The following DENND4C variants were observed in gnomAD, a reference collection of about 807,000 sequenced individuals.
The protein encoded by DENND4C is DENN domain containing 4C.
Under a neutral mutation model 203.0 loss-of-function variants are expected in DENND4C, and 108 were observed. The observed-to-expected ratio is 0.53, with a 90% CI of 0.46 to 0.62. The LOEUF is 0.62. Ranked by LOEUF, DENND4C falls within the 20% of genes least tolerant of loss-of-function variation. The pLI is 0.00. For synonymous variants in DENND4C, 871 were observed against 792.4 expected, an observed-to-expected ratio of 1.10 and a Z score of -1.67; for missense variants, 2,481 against 2,301.2, an observed-to-expected ratio of 1.08 and a Z score of -1.60.
chr9:19,350,110 A>G (rs73648905), intron 23 of DENND4C, among the ~76,000 whole-genome samples: 7,857 of 152,258 alleles, frequency 0.052, 634 homozygotes, highest in African/African-American at 0.18. Flanking sequence ...AGCTTCAACA[A>G]TCACCTATGT....
intron 12 of DENND4C, among the ~76,000 whole-genome samples, chr9:19,323,743 T>G (rs1250423938): frequency 6.6e-6 from 1 of 152,216 alleles, no homozygotes; most frequent in East Asian, 1.9e-4. Context: ...CTCAAGAGTA[T>G]GCAGAGTATC....
At chr9:19,264,854 C>G (rs998643879) in intron 1 of DENND4C, among the ~76,000 whole-genome samples, 1 of 151,466 alleles carries the variant, frequency 6.6e-6, no homozygotes, top group African/African-American at 2.4e-5. Context: ...TTTTGCTTTT[C>G]TAATTCTTTA....
intron 1 of DENND4C, among the ~76,000 whole-genome samples, chr9:19,258,349 G>A (rs972233414): frequency 2.0e-5 from 3 of 152,058 alleles, no homozygotes; most frequent in Non-Finnish European, 4.4e-5. Context: ...TTCCCAACTT[G>A]TTCTGTCATG....
intron 10 of DENND4C, among the ~76,000 whole-genome samples, chr9:19,306,284 T>G (rs913612683): frequency 1.4e-4 from 21 of 152,292 alleles, no homozygotes; most frequent in African/African-American, 5.1e-4. Context: ...CCTGAATAGT[T>G]CCAACAGTAG....
chr9:19,315,610 C>T (rs1841687212), intron 10 of DENND4C, among the ~76,000 whole-genome samples: 1 of 148,398 alleles, frequency 6.7e-6, no homozygotes, highest in East Asian at 2.0e-4. Context: ...TATATATATA[C>T]ACACACACAT....
intron 19 of DENND4C, 42 bp downstream of exon 19, chr9:19,336,456 G>T: frequency 1.3e-6 from 2 of 1,578,930 alleles, no homozygotes; most frequent in Non-Finnish European, 1.7e-6. Flanking sequence ...ACTGAACCAT[G>T]AGCTTTATAG....
chr9:19,232,992 A>G (rs756523400), intron 1 of DENND4C, among the ~76,000 whole-genome samples: 1 of 151,828 alleles, frequency 6.6e-6, no homozygotes, highest in Non-Finnish European at 1.5e-5. Flanking sequence ...TTTGAAAGCT[A>G]GGGGAATCTC....
chr9:19,282,709 T>TTCTCTC (rs202247189), intron 2 of DENND4C, among the ~76,000 whole-genome samples: 2 of 129,406 alleles, frequency 1.5e-5, no homozygotes, highest in East Asian at 4.8e-4. Context: ...TCTTTTTTTC[T>TTCTCTC]TCTCTCTTTT....
At chr9:19,331,575 A>T (rs1434719843) in intron 16 of DENND4C, among the ~76,000 whole-genome samples, 5 of 152,134 alleles carry the variant, frequency 3.3e-5, no homozygotes, top group African/African-American at 9.7e-5. Flanking sequence ...ACAGAGTGGA[A>T]ATCTTGGCAG....
At chr9:19,329,544 A>T (rs1189049844) in intron 16 of DENND4C, among the ~76,000 whole-genome samples, 1 of 152,070 alleles carries the variant, frequency 6.6e-6, no homozygotes, top group East Asian at 1.9e-4. Flanking sequence ...GTATGTTTTT[A>T]TTTCTTTGGG....
intron 30 of DENND4C, among the ~76,000 whole-genome samples, chr9:19,367,166 A>G (rs1032853207): frequency 1.3e-5 from 2 of 152,220 alleles, no homozygotes; most frequent in African/African-American, 4.8e-5. Flanking sequence ...ACTTACTAGG[A>G]TGGCTATAAT....
intron 1 of DENND4C, among the ~76,000 whole-genome samples, chr9:19,256,545 C>A (rs1010675327): frequency 6.6e-6 from 1 of 151,748 alleles, no homozygotes; most frequent in South Asian, 2.1e-4. Context: ...GAGCTCCCAA[C>A]CTCAGGTGAT....
Position 19,346,931 on chromosome 9 carries a change from G to C in DENND4C, c.4162G>C (p.Gly1388Arg). 6.2e-7 allele frequency: 1 copy of C among 1,614,148 alleles called. No homozygotes were observed. The highest frequency in any genetic ancestry group is 1.1e-5 in the South Asian group (1 of 91,086). Residue 1388 changes from glycine to arginine, a missense_variant, in exon 23 of 33, where the codon GGT (glycine) becomes CGT (arginine). By Grantham distance (125) the Gly-to-Arg change is moderately radical. Around this residue, in one of 3 missense-constraint regions of DENND4C, gnomAD observed 2,289 missense variants for 2,113.3 expected, o/e 1.08. Coordinates refer to ENST00000434457, the MANE Select transcript of DENND4C (RefSeq NM_001330640.2). ...LVRSSPHGSL[G>R]SVVNSLSGLK... ...GCGTTCTTCGCCACATGGCTCGTTG[G>C]GTTCTGTAGTAAATTCTTTGTCAGG...
At chr9:19,324,035 G>A (rs543120413) in intron 12 of DENND4C, among the ~76,000 whole-genome samples, 2 of 152,138 alleles carry the variant, frequency 1.3e-5, no homozygotes, top group Admixed American at 1.3e-4. Flanking sequence ...TGAAAATATT[G>A]TATAACATTC....
At chr9:19,237,356 G>GT (rs998717213) in intron 1 of DENND4C, among the ~76,000 whole-genome samples, 3 of 151,594 alleles carry the variant, frequency 2.0e-5, no homozygotes, top group Middle Eastern at 3.5e-3. Flanking sequence ...TTTTGTTTGT[G>GT]TTTTTTTGTT....
At chr9:19,268,168 C>T (rs936568420) in intron 1 of DENND4C, among the ~76,000 whole-genome samples, 4 of 151,718 alleles carry the variant, frequency 2.6e-5, no homozygotes, top group Admixed American at 2.0e-4. Context: ...GGCATAATCT[C>T]AGCTCACTGT....
intron 10 of DENND4C, among the ~76,000 whole-genome samples, chr9:19,311,025 T>C (rs1840633036): frequency 6.6e-6 from 1 of 152,232 alleles, no homozygotes; most frequent in Admixed American, 6.5e-5. Context: ...TTGTATATAA[T>C]GCTTTTATTT....
chr9:19,313,836 A>G (rs1055387512), intron 10 of DENND4C, among the ~76,000 whole-genome samples: 2 of 152,172 alleles, frequency 1.3e-5, no homozygotes, highest in Admixed American at 6.5e-5. Flanking sequence ...TGGCAGGCAT[A>G]TAGTAATGAA....
chr9:19,232,933 A>C (rs1489073246), intron 1 of DENND4C, among the ~76,000 whole-genome samples: 3 of 151,960 alleles, frequency 2.0e-5, no homozygotes, highest in African/African-American at 7.3e-5. Flanking sequence ...TTTTCACTGG[A>C]GCTTCCTGCC....
Sources: gnomAD v4.1 joint callset for allele counts (sites outside exome capture counted in the v4.1 genomes callset) on GRCh38, gnomAD v4.1.1 for gene constraint, gnomAD v4.1.1 regional missense constraint, MANE v1.5 for transcripts, NCBI Gene and HGNC (gene_info 2026-07-23, HGNC 2026-07-21) for gene names.